The following YLPM1 variants were observed in gnomAD, a reference collection of about 807,000 sequenced individuals.
The protein encoded by YLPM1 is YLP motif-containing protein 1.
Under a neutral mutation model 230.0 loss-of-function variants are expected in YLPM1, and 99 were observed. The observed-to-expected ratio is 0.43, with a 90% confidence interval of 0.37 to 0.51. The LOEUF is 0.51. Among genes scored for constraint, YLPM1 ranks in the 20% least tolerant of loss-of-function variants. YLPM1 has a pLI of 0.00. For synonymous variants in YLPM1, 984 were observed against 942.5 expected, an observed-to-expected ratio of 1.04 and a Z score of -0.81; for missense variants, 2,592 against 2,707.7, an observed-to-expected ratio of 0.96 and a Z score of 0.95.
chr14:74,800,782 G>A (rs1376046865), intron 5 of YLPM1, among the ~76,000 whole-genome samples: 1 of 152,122 alleles, frequency 6.6e-6, no homozygotes, highest in Non-Finnish European at 1.5e-5. Context: ...AGAATATTTA[G>A]CTACTACACT....
Position 74,799,696 on chromosome 14 carries a change from C to A in YLPM1, c.4399C>A (p.Arg1467=), listed in dbSNP as rs768429320. The part of the protein sequence containing the change: ...LKAAQELKML[R]EQKEQLQKMK... ...AGCTGCACAAGAACTGAAAATGCTT[C>A]GGTAAGTTGACTCCTTCAGATCCTT... The change falls in exon 5 of 21, where the codon CGG becomes AGG. Residue 1467 remains arginine (R), a splice_region_variant and synonymous_variant. Transcript: ENST00000325680. 2.7e-5 allele frequency: 44 copies of A among 1,602,070 alleles called. No individual in the cohort carries two copies. The East Asian group carries it at 9.4e-4, about 34-fold the overall frequency.
chr14:74,808,287 A>G (rs1273916547), intron 6 of YLPM1, among the ~76,000 whole-genome samples: 3 of 152,200 alleles, frequency 2.0e-5, no homozygotes, highest in African/African-American at 4.8e-5. Context: ...ATGTTGTAGC[A>G]TGACTCAGTA....
In YLPM1 at chr14:74,782,043, G is replaced by A; in HGVS notation, c.2000G>A (p.Arg667Lys). The A allele has an allele frequency of 6.2e-7, 1 of 1,613,930 alleles. No individual in the cohort carries two copies. ...AGCTCGCAAGTTCCAGAGAAACCTAGACCAGCACTGCTTCCTACTCCTGTG... is the reference window on the plus strand; with the variant it reads ...AGCTCGCAAGTTCCAGAGAAACCTAAACCAGCACTGCTTCCTACTCCTGTG... Reference protein sequence around the residue: ...SQSSQVPEKPRPALLPTPVSF... With the variant: ...SQSSQVPEKPKPALLPTPVSF... The change falls in exon 4 of 21, where the codon AGA (arginine) becomes AAA (lysine). Residue 667 changes from arginine (R) to lysine (K), a missense_variant. This residue lies in a region of YLPM1 where 1,862 missense variants were observed against 1,819.8 expected (regional missense o/e 1.02). Transcript: ENST00000325680.
intron 19 of YLPM1, among the ~76,000 whole-genome samples, chr14:74,830,668 A>G (rs900416122): frequency 6.6e-6 from 1 of 152,222 alleles, no homozygotes; most frequent in Non-Finnish European, 1.5e-5. Flanking sequence ...GCATGGTGCT[A>G]GCATCAGCTC....
chr14:74,811,572 C>A, intron 9 of YLPM1, 48 bp from the exon 10 acceptor site: 1 of 1,427,860 alleles, frequency 7.0e-7, no homozygotes, highest in Non-Finnish European at 9.8e-7. Context: ...AAGCAGAGAA[C>A]CCCAAATATT....
At chr14:74,787,279 C>T (rs539646054) in intron 4 of YLPM1, among the ~76,000 whole-genome samples, 40 of 152,260 alleles carry the variant, frequency 2.6e-4, no homozygotes, top group African/African-American at 7.9e-4. Context: ...GTAAACGCTG[C>T]ATGCTGGGTA....
intron 16 of YLPM1, among the ~76,000 whole-genome samples, chr14:74,819,745 C>G (rs2091506313): frequency 6.6e-6 from 1 of 152,156 alleles, no homozygotes; most frequent in Non-Finnish European, 1.5e-5. Context: ...ATATAGTTGA[C>G]CATGCCCACC....
chr14:74,813,249 A>G (rs1198652345), intron 11 of YLPM1, among the ~76,000 whole-genome samples: 1 of 152,356 alleles, frequency 6.6e-6, no homozygotes, highest in African/African-American at 2.4e-5. Flanking sequence ...ATATATACAG[A>G]ATTAATAGAT....
At chr14:74,783,248 C>T (rs573288824) in intron 4 of YLPM1, among the ~76,000 whole-genome samples, 11 of 152,086 alleles carry the variant, frequency 7.2e-5, no homozygotes, top group South Asian at 4.1e-4. Flanking sequence ...AAAAATACTT[C>T]GTAGAGATGG....
Position 74,797,897 on chromosome 14 carries a change from C to A in YLPM1, c.2600C>A (p.Ala867Glu). ...CTTTCAGGAAACAAAGAACCATTAGCAGACACCAGTAGTAACCAGCAGAAG... is the reference window on the plus strand; with the variant it reads ...CTTTCAGGAAACAAAGAACCATTAGAAGACACCAGTAGTAACCAGCAGAAG... ...EPLSGNKEPLADTSSNQQKNF... is the reference protein window; with the variant it reads ...EPLSGNKEPLEDTSSNQQKNF... Residue 867 changes from alanine to glutamate, a missense_variant, in exon 5 of 21, where the codon GCA becomes GAA. By Grantham distance (107) the Ala-to-Glu change is moderately radical (BLOSUM62 -1). Around this residue, in one of 4 missense-constraint regions of YLPM1, gnomAD observed 1,862 missense variants for 1,819.8 expected, o/e 1.02. Coordinates refer to ENST00000325680, the MANE Select transcript of YLPM1 (RefSeq NM_019589.3). 1 of 1,613,982 alleles carries A rather than the reference C, an allele frequency of 6.2e-7. No individual in the cohort carries two copies.
chr14:74,775,399 G>A (rs1247065248), intron 1 of YLPM1, among the ~76,000 whole-genome samples: 3 of 152,188 alleles, frequency 2.0e-5, no homozygotes, highest in African/African-American at 7.2e-5. Flanking sequence ...TATGTATTAT[G>A]TATATTTAAT....
chr14:74,818,757 T>A (rs1207434734), intron 16 of YLPM1, among the ~76,000 whole-genome samples: 1 of 152,210 alleles, frequency 6.6e-6, no homozygotes. Context: ...TTACCAGTTG[T>A]CCCTATAACG....
rs146220998 is a variant in YLPM1 at position 74,804,523 on chromosome 14, A to T, written c.4521+1847A>T. Reference sequence around the variant, plus strand: ...TACTTCTTCATTCCTTTGCGTATGCATGTTGTTCTCTAAGCCTAGAGTCTT... The same window carrying T: ...TACTTCTTCATTCCTTTGCGTATGCTTGTTGTTCTCTAAGCCTAGAGTCTT... On this transcript the variant is annotated intron_variant, in intron 6 of 20. Transcript: ENST00000325680. 6.0e-4 allele frequency among the ~76,000 whole-genome samples: 92 copies of T among 152,288 alleles called. 2 individuals are homozygous for T. In the East Asian group the frequency reaches 0.018, roughly 29 times the overall value.
At chr14:74,796,338 C>T (rs2091260727) in intron 4 of YLPM1, among the ~76,000 whole-genome samples, 1 of 152,224 alleles carries the variant, frequency 6.6e-6, no homozygotes, top group Admixed American at 6.5e-5. Context: ...TCCAAACATG[C>T]TCTGCTGATA....
rs1226594261 is a variant in YLPM1, at chr14:74,764,251, T to A, written c.762T>A (p.Pro254=). The change falls in exon 1 of 21, where the codon CCT becomes CCA. Residue 254 remains proline (P), a synonymous_variant. Transcript: ENST00000325680. ...LLAPPPPSAP[P]GNKTTVQQEP... ...CTCCACCACCACCGTCCGCCCCCCC[T>A]GGAAATAAGACAACTGTCCAGCAAG... The A allele has an allele frequency of 6.2e-7, 1 of 1,613,574 alleles. No individual in the cohort carries two copies.
At chr14:74,791,463 T>C (rs980812263) in intron 4 of YLPM1, among the ~76,000 whole-genome samples, 1 of 152,224 alleles carries the variant, frequency 6.6e-6, no homozygotes, top group Non-Finnish European at 1.5e-5. Flanking sequence ...TGTCCTCTTA[T>C]CTGCACACCT....
At position 74,799,071 on chromosome 14, in the gene YLPM1, A is replaced by T. The variant is rs769169956; in HGVS notation, c.3774A>T (p.Gly1258=). The change falls in exon 5 of 21, where the codon GGA becomes GGT. Residue 1258 remains glycine (G), a synonymous_variant. Transcript: ENST00000325680. ...FSAPPSRSHD[G]DRRGPWWDDW... ...CACCACCATCTCGGTCTCATGATGG[A>T]GATAGGCGAGGCCCTTGGTGGGATG... is the stretch of plus-strand genomic sequence containing the variant. 6.2e-7 allele frequency: 1 copy of T among 1,613,974 alleles called. No individual in the cohort carries two copies. Among genetic ancestry groups the T allele is most frequent in the Non-Finnish European group, 8.5e-7 (1 of 1,179,878 alleles).
At chr14:74,829,830 T>C (rs559329482) in intron 19 of YLPM1, among the ~76,000 whole-genome samples, 4 of 152,344 alleles carry the variant, frequency 2.6e-5, no homozygotes, top group Admixed American at 6.5e-5. Flanking sequence ...ATTTAAGTTC[T>C]GTGAGAGAAA....
At position 74,763,410 on chromosome 14, in the gene YLPM1, C is replaced by A; in HGVS notation, c.-80C>A. 1 of 1,372,568 alleles carries A rather than the reference C, an allele frequency of 7.3e-7. No individual in the cohort carries two copies. Among genetic ancestry groups the A allele is most frequent in the Non-Finnish European group, 9.5e-7 (1 of 1,055,514 alleles). The allele number at this position is 1,372,568 out of a possible 1,614,324, so 85.0% of individuals were successfully genotyped here. A position where few individuals can be genotyped will look rare whatever the true frequency, so the allele number is the denominator to read the frequency against. On this transcript the variant is annotated 5_prime_UTR_variant, in exon 1 of 21. Coordinates refer to ENST00000325680, the MANE Select transcript of YLPM1 (RefSeq NM_019589.3). ...TGTAGGCGCCGCGAGTTCCGGCTGT[C>A]GCCGTCGCCGCCGCGGCTCCTGGAG...
Sources: gnomAD v4.1 joint callset for allele counts (sites outside exome capture counted in the v4.1 genomes callset) on GRCh38, gnomAD v4.1.1 for gene constraint, gnomAD v4.1.1 regional missense constraint, MANE v1.5 for transcripts, NCBI Gene and HGNC (gene_info 2026-07-23, HGNC 2026-07-21) for gene names.